ULK4: variants seen among roughly 807,000 people sequenced by gnomAD.
ULK4 encodes the protein inactive serine/threonine-protein kinase ULK4.
A neutral mutation model predicts 160.6 loss-of-function variants in ULK4; 133 were observed. That is an observed-to-expected ratio of 0.83 (90% CI 0.72 to 0.96). The LOEUF is 0.96. Ranked by LOEUF, ULK4 falls within the 40% of genes least tolerant of loss-of-function variation. The pLI, the probability that ULK4 is intolerant of heterozygous loss-of-function variation, is 0.00. For missense variants in ULK4, 1,580 were observed against 1,499.5 expected, an observed-to-expected ratio of 1.05 and a Z score of -0.89; for synonymous variants, 534 against 539.8, an observed-to-expected ratio of 0.99 and a Z score of 0.15.
intron 30 of ULK4, among the ~76,000 whole-genome samples, chr3:41,625,737 G>C (rs923578105): frequency 6.6e-6 from 1 of 152,138 alleles, no homozygotes; most frequent in Non-Finnish European, 1.5e-5. Flanking sequence ...ACATGGGCTT[G>C]TTATATCCTA....
At chr3:41,689,824 C>T (rs1169667257) in intron 27 of ULK4, among the ~76,000 whole-genome samples, 3 of 151,056 alleles carry the variant, frequency 2.0e-5, no homozygotes, top group African/African-American at 7.4e-5. Context: ...GAAATAGGAA[C>T]ACTTTTACAC....
intron 32 of ULK4, among the ~76,000 whole-genome samples, chr3:41,529,610 A>G (rs2086232947): frequency 6.6e-6 from 1 of 152,086 alleles, no homozygotes; most frequent in Non-Finnish European, 1.5e-5. Flanking sequence ...TCAGTCTCCC[A>G]TGTAGCTGGG....
intron 34 of ULK4, among the ~76,000 whole-genome samples, chr3:41,417,926 C>G (rs1226276663): frequency 6.6e-6 from 1 of 152,142 alleles, no homozygotes; most frequent in African/African-American, 2.4e-5. Context: ...CTCTGACCTT[C>G]GTGCTGTTTT....
intron 32 of ULK4, among the ~76,000 whole-genome samples, chr3:41,531,499 A>G (rs2086315916): frequency 6.8e-6 from 1 of 146,446 alleles, no homozygotes; most frequent in Non-Finnish European, 1.5e-5. Context: ...AGGAGAGAAG[A>G]AGAAAAAGAA....
intron 27 of ULK4, among the ~76,000 whole-genome samples, chr3:41,690,994 T>C (rs1052440669): frequency 1.3e-5 from 2 of 151,808 alleles, no homozygotes; most frequent in South Asian, 2.1e-4. Context: ...TCTAAAATTA[T>C]TGGTCACAGT....
intron 29 of ULK4, 49 bp downstream of exon 29, chr3:41,681,459 C>T: frequency 6.2e-7 from 1 of 1,605,160 alleles, no homozygotes; most frequent in Non-Finnish European, 8.5e-7. Context: ...ACAGAAGCTT[C>T]CTGGATAGCC....
chr3:41,752,233 A>T (rs2038654380), intron 22 of ULK4, among the ~76,000 whole-genome samples: 2 of 152,136 alleles, frequency 1.3e-5, no homozygotes, highest in South Asian at 4.2e-4. Flanking sequence ...TCTTGCCCTA[A>T]CTCTATATGG....
chr3:41,821,457 G>A (rs1292562492), intron 18 of ULK4, among the ~76,000 whole-genome samples: 3 of 152,102 alleles, frequency 2.0e-5, no homozygotes, highest in African/African-American at 2.4e-5. Flanking sequence ...TGGAAGTTCT[G>A]AGAAAGGAAA....
intron 35 of ULK4, among the ~76,000 whole-genome samples, chr3:41,275,338 G>A (rs2079211947): frequency 6.6e-6 from 1 of 152,094 alleles, no homozygotes; most frequent in African/African-American, 2.4e-5. Flanking sequence ...CTTTGTTAAG[G>A]GTTACAGTAA....
chr3:41,686,342 G>C (rs1183388871), intron 27 of ULK4, among the ~76,000 whole-genome samples: 1 of 152,164 alleles, frequency 6.6e-6, no homozygotes, highest in Non-Finnish European at 1.5e-5. Context: ...AGAAAAGCCA[G>C]GGTTTCTTGG....
At chr3:41,381,627 A>G (rs1009992701) in intron 35 of ULK4, among the ~76,000 whole-genome samples, 3 of 152,156 alleles carry the variant, frequency 2.0e-5, no homozygotes, top group Admixed American at 2.0e-4. Flanking sequence ...CTTTCAAGAT[A>G]TATCCAAAAT....
chr3:41,837,189 A>T (rs1399758116), intron 17 of ULK4, among the ~76,000 whole-genome samples: 2 of 152,220 alleles, frequency 1.3e-5, no homozygotes, highest in African/African-American at 4.8e-5. Flanking sequence ...GTAGTCATGC[A>T]CTGTAGGAGT....
At chr3:41,580,519 G>C (rs990910879) in intron 31 of ULK4, among the ~76,000 whole-genome samples, 4 of 148,730 alleles carry the variant, frequency 2.7e-5, no homozygotes, top group Admixed American at 1.3e-4. Context: ...CCCCCAGAGA[G>C]AAAAATGCCA....
intron 32 of ULK4, among the ~76,000 whole-genome samples, chr3:41,504,880 T>C (rs1015465613): frequency 4.6e-5 from 7 of 152,136 alleles, no homozygotes; most frequent in East Asian, 1.9e-4. Flanking sequence ...AACACACACA[T>C]TGTCCCCTAA....
rs191336493 is a variant in ULK4 at position 41,635,882 on chromosome 3, T to C, written c.3072-20165A>G. On this transcript the variant is annotated intron_variant, in intron 30 of 36. Coordinates refer to ENST00000301831, the MANE Select transcript of ULK4 (RefSeq NM_017886.4). ...ATTCTATTGGGTTTTTAAAAATATA[T>C]GAAAAACATTTTCCCATGTCATTAA... is the stretch of plus-strand genomic sequence containing the variant. 1.6e-3 allele frequency among the ~76,000 whole-genome samples: 248 copies of C among 152,296 alleles called. 1 individual carries two copies. Among genetic ancestry groups the C allele is most frequent in the Non-Finnish European group, 2.6e-3 (176 of 68,024 alleles).
rs76124722 is a variant in ULK4 at position 41,391,899 on chromosome 3, C to T, written c.3678+6180G>A. 7.2e-3 allele frequency among the ~76,000 whole-genome samples: 1,096 copies of T among 152,094 alleles called. 4 individuals are homozygous for T. Among genetic ancestry groups the T allele is most frequent in the East Asian group, 0.015 (79 of 5,170 alleles). On this transcript the variant is annotated intron_variant, in intron 35 of 36. Coordinates refer to ENST00000301831, the MANE Select transcript of ULK4 (RefSeq NM_017886.4). ...TTCCACCTCTGCTGCACCAGGTAGA[C>T]GGGTGAGAAGGTGACAGGGAGTTAG...
At chr3:41,894,115 C>A (rs997193399) in intron 16 of ULK4, among the ~76,000 whole-genome samples, 2 of 152,180 alleles carry the variant, frequency 1.3e-5, no homozygotes, top group African/African-American at 4.8e-5. Flanking sequence ...TAAAACCAAT[C>A]TCCGGGCTGA....
At chr3:41,930,762 C>G (rs1233997287) in intron 5 of ULK4, among the ~76,000 whole-genome samples, 1 of 152,150 alleles carries the variant, frequency 6.6e-6, no homozygotes, top group Non-Finnish European at 1.5e-5. Context: ...CTGATCATTA[C>G]AGAAATGCAA....
chr3:41,564,762 A>G (rs988883609), intron 32 of ULK4, among the ~76,000 whole-genome samples: 11 of 151,840 alleles, frequency 7.2e-5, no homozygotes, highest in African/African-American at 2.7e-4. Context: ...CCCGGCCATA[A>G]AAGTATTTGT....
Sources: allele counts gnomAD v4.1 joint callset (sites outside exome capture counted in the v4.1 genomes callset), GRCh38; gene constraint gnomAD v4.1.1; transcripts MANE v1.5; gene names NCBI Gene and HGNC (gene_info 2026-07-23, HGNC 2026-07-21).